The following MYT1L variants were observed in gnomAD, a reference collection of about 807,000 sequenced individuals.
MYT1L encodes the protein myelin transcription factor 1 like.
A neutral mutation model predicts 126.7 loss-of-function variants in MYT1L; 12 were observed. That is an observed-to-expected ratio of 0.09 (90% CI 0.06 to 0.15). The LOEUF is 0.15. Ranked by LOEUF, MYT1L falls within the 10% of genes least tolerant of loss-of-function variation. MYT1L has a pLI of 1.00. For synonymous variants in MYT1L, 541 were observed against 604.2 expected (o/e 0.90, Z 1.53); for missense variants, 979 against 1,585.2 (o/e 0.62, Z 6.49).
At chr2:2,009,328 C>T (rs1466857718) in intron 4 of MYT1L, among the ~76,000 whole-genome samples, 1 of 152,040 alleles carries the variant, frequency 6.6e-6, no homozygotes, top group East Asian at 1.9e-4. Context: ...ACTAATTCTT[C>T]CTAATGAACA....
chr2:1,794,195 G>T (rs1440241819), intron 23 of MYT1L, among the ~76,000 whole-genome samples: 1 of 152,192 alleles, frequency 6.6e-6, no homozygotes, highest in South Asian at 2.1e-4. Context: ...TTTCCTAGAC[G>T]GTGGCTGCTA....
In MYT1L at chr2:2,209,152, C is replaced by T. The variant is rs535097053; in HGVS notation, c.-420-36164G>A. 1.8e-4 allele frequency among the ~76,000 whole-genome samples: 27 copies of T among 152,262 alleles called. No individual in the cohort carries two copies. In the South Asian group the frequency reaches 5.4e-3, roughly 30 times the overall value. ...AGTAGGTGTACACATTTATGGATTA[C>T]ATGAGACATTTTTATACAGAAATGC... On this transcript the variant is annotated intron_variant, in intron 2 of 24. Coordinates refer to ENST00000647738, the MANE Select transcript of MYT1L (RefSeq NM_001303052.2).
chr2:2,016,672 A>G (rs1473860779), intron 4 of MYT1L, among the ~76,000 whole-genome samples: 1 of 152,240 alleles, frequency 6.6e-6, no homozygotes, highest in Non-Finnish European at 1.5e-5. Flanking sequence ...GACAAAAATA[A>G]TATTTAGAAT....
At chr2:1,872,015 C>T (rs1441877264) in intron 18 of MYT1L, among the ~76,000 whole-genome samples, 1 of 152,154 alleles carries the variant, frequency 6.6e-6, no homozygotes, top group Non-Finnish European at 1.5e-5. Flanking sequence ...TCGCATTGTA[C>T]TTGATGGGTA....
intron 2 of MYT1L, among the ~76,000 whole-genome samples, chr2:2,193,316 T>A (rs578045299): frequency 1.3e-5 from 2 of 152,340 alleles, no homozygotes; most frequent in Admixed American, 1.3e-4. Flanking sequence ...TAGAAAATCA[T>A]GTTGTCTTTC....
intron 2 of MYT1L, among the ~76,000 whole-genome samples, chr2:2,256,510 G>T (rs1236406759): frequency 6.6e-6 from 1 of 152,176 alleles, no homozygotes; most frequent in Admixed American, 6.5e-5. Context: ...CTGGCTCTAA[G>T]GTCAAACATA....
At chr2:2,038,950 C>T (rs2067205429) in intron 4 of MYT1L, among the ~76,000 whole-genome samples, 2 of 152,132 alleles carry the variant, frequency 1.3e-5, no homozygotes, top group African/African-American at 4.8e-5. Flanking sequence ...TGGCTCCTTT[C>T]GCCACAGCCC....
intron 11 of MYT1L, among the ~76,000 whole-genome samples, chr2:1,916,309 A>G (rs2052816403): frequency 2.0e-5 from 3 of 152,212 alleles, no homozygotes; most frequent in Admixed American, 6.5e-5. Context: ...AAAGGGCCTT[A>G]AAGTAGTTAA....
At chr2:2,163,717 G>T (rs2088465920) in intron 3 of MYT1L, among the ~76,000 whole-genome samples, 2 of 149,580 alleles carry the variant, frequency 1.3e-5, no homozygotes. Flanking sequence ...CAGCCTGGGT[G>T]AAAGAGTGAG....
intron 18 of MYT1L, among the ~76,000 whole-genome samples, chr2:1,873,405 G>T (rs1433466254): frequency 6.6e-6 from 1 of 152,170 alleles, no homozygotes; most frequent in Non-Finnish European, 1.5e-5. Flanking sequence ...AAAAAAATGA[G>T]AAATACTTAG....
At chr2:1,886,763 C>A (rs565667845) in intron 17 of MYT1L, among the ~76,000 whole-genome samples, 156 bp from the exon 18 acceptor site, 29 of 151,930 alleles carry the variant, frequency 1.9e-4, no homozygotes, top group Non-Finnish European at 3.7e-4. Flanking sequence ...AATTCTGAAT[C>A]GGTTCGAATA....
intron 4 of MYT1L, among the ~76,000 whole-genome samples, chr2:2,039,130 G>A (rs552434491): frequency 2.6e-4 from 39 of 152,262 alleles, no homozygotes; most frequent in Non-Finnish European, 3.5e-4. Flanking sequence ...CTCACGGAGC[G>A]CATTTTCCCC....
Position 1,887,497 on chromosome 2 carries a change from T to A in MYT1L, c.2633A>T (p.Asp878Val). The A allele has an allele frequency of 6.2e-7, 1 of 1,614,038 alleles. No individual in the cohort carries two copies. The highest frequency in any genetic ancestry group is 8.5e-7 in the Non-Finnish European group (1 of 1,179,890). ...KYPQCKESKK[D>V]LITLSGCPLA... ...CTCACAGCATGCTTACGTTATTAAG[T>A]CCTTTTTGCTCTCCTTGCACTGAGG... Residue 878 changes from aspartate to valine, a missense_variant, in exon 17 of 25, where the codon GAC becomes GTC. Physicochemically the swap from Asp to Val is radical, Grantham distance 152 (BLOSUM62 -3). Coordinates refer to ENST00000647738, the MANE Select transcript of MYT1L (RefSeq NM_001303052.2). This position sits in a 1 kb window ranked among gnomAD's most constrained non-coding sequence, Gnocchi z 4.8.
chr2:1,822,926 T>C (rs1221267962), intron 21 of MYT1L, among the ~76,000 whole-genome samples: 1 of 152,148 alleles, frequency 6.6e-6, no homozygotes, highest in East Asian at 1.9e-4. Flanking sequence ...TAGTTTTGTT[T>C]CTCCTTTTGC....
At chr2:1,956,014 G>A (rs780905050) in intron 8 of MYT1L, among the ~76,000 whole-genome samples, 1 of 152,114 alleles carries the variant, frequency 6.6e-6, no homozygotes, top group Non-Finnish European at 1.5e-5. Context: ...GTTCCAAGCT[G>A]TAGATCTTCA....
At chr2:2,302,090 T>C (rs2095795194) in intron 1 of MYT1L, among the ~76,000 whole-genome samples, 1 of 152,182 alleles carries the variant, frequency 6.6e-6, no homozygotes, top group Non-Finnish European at 1.5e-5. Flanking sequence ...CCATGATCAA[T>C]TACCTTTAAA....
chr2:1,954,451 A>G (rs1447080056), intron 8 of MYT1L, among the ~76,000 whole-genome samples: 2 of 152,206 alleles, frequency 1.3e-5, no homozygotes, highest in Non-Finnish European at 2.9e-5. Context: ...GTGACCATGC[A>G]TACGTCCACA....
intron 4 of MYT1L, among the ~76,000 whole-genome samples, chr2:2,022,068 T>C (rs1216779981): frequency 6.6e-6 from 1 of 152,152 alleles, no homozygotes; most frequent in Non-Finnish European, 1.5e-5. Flanking sequence ...GACGACATCT[T>C]GTGTATGTCT....
intron 4 of MYT1L, among the ~76,000 whole-genome samples, chr2:2,036,587 C>A (rs1445607950): frequency 1.3e-5 from 2 of 152,240 alleles, no homozygotes; most frequent in Non-Finnish European, 2.9e-5. Flanking sequence ...GGCAGCCACG[C>A]TTCAGTCTTC....
Sources: gnomAD v4.1 joint callset for allele counts (sites outside exome capture counted in the v4.1 genomes callset) on GRCh38, gnomAD v4.1.1 for gene constraint, Gnocchi (gnomAD v3.1) non-coding constraint, MANE v1.5 for transcripts, NCBI Gene and HGNC (gene_info 2026-07-23, HGNC 2026-07-21) for gene names.